The following ROR2 variants were observed in gnomAD, a reference collection of about 807,000 sequenced individuals.
ROR2 encodes the protein ROR family WNT receptor 2.
Under a neutral mutation model 74.9 loss-of-function variants are expected in ROR2, and 33 were observed. The observed-to-expected ratio is 0.44, with a 90% CI of 0.33 to 0.59. ROR2 has a LOEUF of 0.59. Among genes scored for constraint, ROR2 ranks in the 20% least tolerant of loss-of-function variants. The probability of loss-of-function intolerance (pLI) is 0.02; values close to 1 mark genes in which losing one functional copy is unlikely to be tolerated. For synonymous variants in ROR2, 586 were observed against 558.7 expected (o/e 1.05, Z -0.69); for missense variants, 1,216 against 1,313.8 (o/e 0.93, Z 1.15).
chr9:91,797,169 G>C (rs1213078694), intron 1 of ROR2, among the ~76,000 whole-genome samples: 1 of 80,550 alleles, frequency 1.2e-5, no homozygotes, highest in East Asian at 3.5e-4. Flanking sequence ...ACTGGGCTTT[G>C]TGGGAGAGGC....
At chr9:91,841,346 C>T (rs922026976) in intron 1 of ROR2, among the ~76,000 whole-genome samples, 1 of 152,226 alleles carries the variant, frequency 6.6e-6, no homozygotes, top group African/African-American at 2.4e-5. Flanking sequence ...TAAGCTGCCA[C>T]ACCAACACTT....
rs1273312563 is a variant in ROR2 at position 91,839,731 on chromosome 9, G to A, written c.98-63913C>T. On this transcript the variant is annotated intron_variant, in intron 1 of 8. Coordinates refer to ENST00000375708, the MANE Select transcript of ROR2 (RefSeq NM_004560.4). ...TGTGTGTGTGCTGTATGTGTGGTGT[G>A]TGTGGTATGTGAGTGTGGCGTGCAT... 4.0e-5 allele frequency among the ~76,000 whole-genome samples: 6 copies of A among 151,742 alleles called. No homozygotes were observed. The South Asian group carries it at 1.0e-3, about 26-fold the overall frequency.
At chr9:91,935,767 G>A (rs1020816309) in intron 1 of ROR2, among the ~76,000 whole-genome samples, 2 of 152,188 alleles carry the variant, frequency 1.3e-5, no homozygotes, top group Admixed American at 1.3e-4. Context: ...TGTACCCCAA[G>A]CACAGCCCAC....
intron 1 of ROR2, among the ~76,000 whole-genome samples, chr9:91,854,684 G>T (rs757599928): frequency 3.3e-5 from 5 of 152,222 alleles, no homozygotes; most frequent in Non-Finnish European, 7.3e-5. Flanking sequence ...CGCTGCCTCT[G>T]AGAGGGCTGC....
intron 1 of ROR2, among the ~76,000 whole-genome samples, chr9:91,841,434 C>G (rs1828778899): frequency 6.6e-6 from 1 of 152,180 alleles, no homozygotes; most frequent in Non-Finnish European, 1.5e-5. Flanking sequence ...TGAGACTGCC[C>G]CTAAAGTCAC....
chr9:91,910,298 A>G (rs966501729), intron 1 of ROR2, among the ~76,000 whole-genome samples: 2 of 152,178 alleles, frequency 1.3e-5, no homozygotes, highest in Non-Finnish European at 2.9e-5. Flanking sequence ...GCTGAAGGCA[A>G]TCTGGCCAGA....
chr9:91,949,116 G>A (rs1473697891), intron 1 of ROR2, among the ~76,000 whole-genome samples: 1 of 150,772 alleles, frequency 6.6e-6, no homozygotes, highest in African/African-American at 2.4e-5. Flanking sequence ...CAGGTCCCGG[G>A]GGTCCCCCCG....
intron 1 of ROR2, among the ~76,000 whole-genome samples, chr9:91,802,067 G>GTTTTT (rs60111555): frequency 2.9e-5 from 3 of 103,684 alleles, no homozygotes; most frequent in Non-Finnish European, 3.9e-5. Context: ...TTTGGAAGGT[G>GTTTTT]TTTTTTTTTT....
chr9:91,723,926 G>A lies in ROR2; in HGVS notation c.2568C>T (p.Val856=), dbSNP rs1209573701. ...MAPQQVPPQM[V]PKPSSHHSGS... ...CACTGTGGTGTGAGCTGGGCTTGGGGACCATCTGAGGAGGCACCTGCTGCG... is the reference window on the plus strand; with the variant it reads ...CACTGTGGTGTGAGCTGGGCTTGGGAACCATCTGAGGAGGCACCTGCTGCG... The change falls in exon 9 of 9, where the codon GTC becomes GTT. Residue 856 remains valine (V), a synonymous_variant. Coordinates refer to ENST00000375708, the MANE Select transcript of ROR2 (RefSeq NM_004560.4). 6.2e-7 allele frequency: 1 copy of A among 1,613,798 alleles called. No homozygotes were observed. The highest frequency in any genetic ancestry group is 1.1e-5 in the South Asian group (1 of 91,080).
At chr9:91,856,018 T>C (rs1375140388) in intron 1 of ROR2, among the ~76,000 whole-genome samples, 5 of 152,158 alleles carry the variant, frequency 3.3e-5, no homozygotes, top group African/African-American at 7.2e-5. Context: ...CTAGCATTTG[T>C]TGGGACTTCC....
intron 1 of ROR2, among the ~76,000 whole-genome samples, chr9:91,796,119 G>A (rs531726715): frequency 2.9e-4 from 44 of 152,278 alleles, no homozygotes; most frequent in South Asian, 2.5e-3. Context: ...GACTGAACAC[G>A]TTCCCCAGGG....
chr9:91,850,017 A>T (rs1829043923), intron 1 of ROR2, among the ~76,000 whole-genome samples: 1 of 152,202 alleles, frequency 6.6e-6, no homozygotes, highest in Non-Finnish European at 1.5e-5. Flanking sequence ...TCCCACAAAC[A>T]GCATTGCTAT....
chr9:91,802,523 G>A (rs1827422257), intron 1 of ROR2, among the ~76,000 whole-genome samples: 1 of 152,148 alleles, frequency 6.6e-6, no homozygotes, highest in Non-Finnish European at 1.5e-5. Flanking sequence ...AGACATAAGG[G>A]CAGCATTGTC....
intron 1 of ROR2, among the ~76,000 whole-genome samples, chr9:91,840,148 C>G (rs1466109463): frequency 6.6e-6 from 1 of 152,180 alleles, no homozygotes; most frequent in Non-Finnish European, 1.5e-5. Flanking sequence ...CCCCGCTGTC[C>G]TGGGAGGCAC....
intron 1 of ROR2, among the ~76,000 whole-genome samples, chr9:91,811,446 C>G (rs1563976086): frequency 6.6e-6 from 1 of 152,240 alleles, no homozygotes; most frequent in Non-Finnish European, 1.5e-5. Flanking sequence ...TTAATCATGC[C>G]TTTATATTTG....
At chr9:91,888,890 G>A (rs1830354879) in intron 1 of ROR2, among the ~76,000 whole-genome samples, 1 of 152,074 alleles carries the variant, frequency 6.6e-6, no homozygotes, top group Non-Finnish European at 1.5e-5. Context: ...GGCTGTCCAC[G>A]AAGCAGGTTG....
chr9:91,808,522 G>A (rs1196748981), intron 1 of ROR2, among the ~76,000 whole-genome samples: 1 of 151,926 alleles, frequency 6.6e-6, no homozygotes, highest in Non-Finnish European at 1.5e-5. Context: ...TACTGGGGAG[G>A]CTGAGGCAGG....
chr9:91,879,563 T>G (rs1209053419), intron 1 of ROR2, among the ~76,000 whole-genome samples: 1 of 152,116 alleles, frequency 6.6e-6, no homozygotes, highest in Non-Finnish European at 1.5e-5. Flanking sequence ...TTCAGCTTTC[T>G]TTAAATAATT....
chr9:91,842,730 T>C (rs971981052), intron 1 of ROR2, among the ~76,000 whole-genome samples: 3 of 152,228 alleles, frequency 2.0e-5, no homozygotes, highest in Admixed American at 6.5e-5. Flanking sequence ...GTGCCAGGGC[T>C]CCTGCCACCC....
Sources: allele counts gnomAD v4.1 joint callset (sites outside exome capture counted in the v4.1 genomes callset), GRCh38; gene constraint gnomAD v4.1.1; transcripts MANE v1.5; gene names NCBI Gene and HGNC (gene_info 2026-07-23, HGNC 2026-07-21).